Variants in PPM1L observed in about 807,000 individuals in gnomAD.
PPM1L encodes protein phosphatase 1L.
In PPM1L, 13 loss-of-function variants were observed where a neutral mutation model predicts 31.4. That is an observed-to-expected ratio of 0.41 (90% CI 0.27 to 0.66). PPM1L has a LOEUF of 0.66. Among genes scored for constraint, PPM1L ranks in the 30% least tolerant of loss-of-function variants. The pLI is 0.29. For missense variants in PPM1L, 326 were observed against 453.7 expected (o/e 0.72, Z 2.56); for synonymous variants, 184 against 175.4 (o/e 1.05, Z -0.39).
chr3:160,836,602 G>A (rs866124870), intron 1 of PPM1L, among the ~76,000 whole-genome samples: 11 of 152,182 alleles, frequency 7.2e-5, no homozygotes, highest in Non-Finnish European at 1.2e-4. Context: ...TACTCATGGC[G>A]GAGCCAGCAC....
At chr3:160,951,708 G>T (rs1209143806) in intron 1 of PPM1L, among the ~76,000 whole-genome samples, 1 of 152,136 alleles carries the variant, frequency 6.6e-6, no homozygotes, top group Non-Finnish European at 1.5e-5. Flanking sequence ...TTTGAGGTTC[G>T]TCACATTAGG....
intron 1 of PPM1L, among the ~76,000 whole-genome samples, chr3:160,799,065 A>G (rs940900601): frequency 6.6e-6 from 1 of 152,236 alleles, no homozygotes; most frequent in African/African-American, 2.4e-5. Context: ...AAACTTTAGT[A>G]GATGAGGAGG....
intron 2 of PPM1L, among the ~76,000 whole-genome samples, chr3:161,011,374 A>G (rs1717889290): frequency 6.6e-6 from 1 of 152,140 alleles, no homozygotes; most frequent in Non-Finnish European, 1.5e-5. Context: ...CCATTGGTCT[A>G]TATCTCTCTT....
At chr3:160,994,087 C>G (rs1254612939) in intron 2 of PPM1L, among the ~76,000 whole-genome samples, 1 of 152,082 alleles carries the variant, frequency 6.6e-6, no homozygotes, top group Non-Finnish European at 1.5e-5. Flanking sequence ...TTACTTCTCT[C>G]TATTAATTCA....
At chr3:160,947,297 G>C (rs1236477387) in intron 1 of PPM1L, among the ~76,000 whole-genome samples, 2 of 152,118 alleles carry the variant, frequency 1.3e-5, no homozygotes, top group African/African-American at 2.4e-5. Flanking sequence ...CCGGTATCTA[G>C]CACCTCAGAG....
At chr3:160,944,549 C>T (rs1715260796) in intron 1 of PPM1L, among the ~76,000 whole-genome samples, 3 of 149,094 alleles carry the variant, frequency 2.0e-5, no homozygotes, top group Admixed American at 6.9e-5. Flanking sequence ...AGAAAGAAAA[C>T]GCCTAAGAAA....
At chr3:160,881,108 G>T (rs1413057541) in intron 1 of PPM1L, among the ~76,000 whole-genome samples, 4 of 152,106 alleles carry the variant, frequency 2.6e-5, no homozygotes, top group Non-Finnish European at 4.4e-5. Context: ...ACTCTCTAAG[G>T]TAATATTCTT....
intron 1 of PPM1L, among the ~76,000 whole-genome samples, chr3:160,856,914 A>C (rs1711727062): frequency 6.6e-6 from 1 of 152,066 alleles, no homozygotes; most frequent in Non-Finnish European, 1.5e-5. Flanking sequence ...GGATTTATTC[A>C]GTTTTTGTAG....
chr3:160,830,193 A>G (rs1334559096), intron 1 of PPM1L, among the ~76,000 whole-genome samples: 4 of 152,162 alleles, frequency 2.6e-5, no homozygotes, highest in African/African-American at 9.7e-5. Context: ...CCTTATAGTC[A>G]TTGTTGTAGC....
chr3:160,810,497 C>G (rs1371325559), intron 1 of PPM1L, among the ~76,000 whole-genome samples: 1 of 152,142 alleles, frequency 6.6e-6, no homozygotes, highest in South Asian at 2.1e-4. Flanking sequence ...AAATTGGTCC[C>G]TGGTGGCCAC....
chr3:161,046,898 G>A (rs1489334804), intron 2 of PPM1L, among the ~76,000 whole-genome samples: 2 of 152,112 alleles, frequency 1.3e-5, no homozygotes, highest in Non-Finnish European at 2.9e-5. Context: ...AGCCCTTCAT[G>A]CTAAAAACTC....
At chr3:160,994,088 TATTA>T (rs777118324) in intron 2 of PPM1L, among the ~76,000 whole-genome samples, 3 of 152,154 alleles carry the variant, frequency 2.0e-5, no homozygotes, top group African/African-American at 4.8e-5. Flanking sequence ...TACTTCTCTC[TATTA>T]ATTCATGAAT....
chr3:160,981,197 T>C (rs553579408), intron 2 of PPM1L, among the ~76,000 whole-genome samples: 1 of 152,312 alleles, frequency 6.6e-6, no homozygotes, highest in South Asian at 2.1e-4. Flanking sequence ...TACTCCAAAA[T>C]TTAGCAGCTT....
intron 1 of PPM1L, among the ~76,000 whole-genome samples, chr3:160,781,068 A>G (rs887201012): frequency 1.1e-4 from 17 of 152,192 alleles, no homozygotes; most frequent in Non-Finnish European, 2.2e-4. Context: ...CTATGGAAGT[A>G]CACATATTAA....
At chr3:160,799,121 G>C (rs1468613565) in intron 1 of PPM1L, among the ~76,000 whole-genome samples, 1 of 152,220 alleles carries the variant, frequency 6.6e-6, no homozygotes, top group African/African-American at 2.4e-5. Flanking sequence ...CTTGAAATGG[G>C]ATCTATCCTG....
At chr3:161,021,398 G>C (rs1718231267) in intron 2 of PPM1L, among the ~76,000 whole-genome samples, 1 of 151,926 alleles carries the variant, frequency 6.6e-6, no homozygotes, top group South Asian at 2.1e-4. Flanking sequence ...AACATACTTA[G>C]TATGTTTCTA....
At chr3:160,894,122 A>G (rs2108048457) in intron 1 of PPM1L, among the ~76,000 whole-genome samples, 1 of 152,298 alleles carries the variant, frequency 6.6e-6, no homozygotes, top group African/African-American at 2.4e-5. Flanking sequence ...TCAGGATGTA[A>G]CTGCATCGTG....
At chr3:160,822,607 ACT>A (rs1314670362) in intron 1 of PPM1L, among the ~76,000 whole-genome samples, 1 of 151,976 alleles carries the variant, frequency 6.6e-6, no homozygotes, top group Non-Finnish European at 1.5e-5. Context: ...TTCTTTCCTA[ACT>A]CTGTTGAGCA....
chr3:161,065,599 G>C, intron 3 of PPM1L, 35 bp downstream of exon 3: 2 of 1,600,798 alleles, frequency 1.2e-6, no homozygotes, highest in East Asian at 2.2e-5. Flanking sequence ...AATGTCTGCT[G>C]TCTTGCTGGT....
Sources: allele counts gnomAD v4.1 joint callset (sites outside exome capture counted in the v4.1 genomes callset), GRCh38; gene constraint gnomAD v4.1.1; transcripts MANE v1.5; gene names NCBI Gene and HGNC (gene_info 2026-07-23, HGNC 2026-07-21).